The following ENTREP1 variants were observed in gnomAD, a reference collection of about 807,000 sequenced individuals.
ENTREP1 encodes Friedreich ataxia region gene X123.
the ENTREP1 span, among the ~76,000 whole-genome samples, chr9:69,351,359 C>T: frequency 1.3e-5 from 2 of 151,868 alleles, no homozygotes; most frequent in African/African-American, 4.8e-5. Flanking sequence ...GTGTGCCTTT[C>T]TTCAACACTG....
chr9:69,337,072 T>G, the ENTREP1 span, among the ~76,000 whole-genome samples: 1 of 135,888 alleles, frequency 7.4e-6, no homozygotes, highest in African/African-American at 2.8e-5. Context: ...TGGAGTGCAG[T>G]GGCACGTTCT....
chr9:69,336,236 A>C, the ENTREP1 span: 2 of 1,588,894 alleles, frequency 1.3e-6, no homozygotes, highest in South Asian at 1.1e-5. Flanking sequence ...GAATCATAGG[A>C]TTAACAACTT....
the ENTREP1 span, among the ~76,000 whole-genome samples, chr9:69,376,073 T>G: frequency 6.6e-6 from 1 of 152,198 alleles, no homozygotes; most frequent in African/African-American, 2.4e-5. Context: ...GCTTTCTTTG[T>G]GTTGAAGAAC....
the ENTREP1 span, among the ~76,000 whole-genome samples, chr9:69,368,120 T>C: frequency 2.6e-5 from 4 of 151,956 alleles, no homozygotes; most frequent in Non-Finnish European, 5.9e-5. Context: ...TTTCTAGCAG[T>C]AAGATTATGT....
chr9:69,332,157 A>G, the ENTREP1 span, among the ~76,000 whole-genome samples: 1 of 152,052 alleles, frequency 6.6e-6, no homozygotes, highest in African/African-American at 2.4e-5. Flanking sequence ...TACTTCCTCT[A>G]TTTGCTTTTC....
chr9:69,377,648 A>G, the ENTREP1 span: 68 of 1,613,998 alleles, frequency 4.2e-5, no homozygotes, highest in Non-Finnish European at 5.8e-5. Context: ...GCGGAGGATC[A>G]TGGACGCATC....
At chr9:69,338,978 G>A in the ENTREP1 span, among the ~76,000 whole-genome samples, 2 of 152,146 alleles carry the variant, frequency 1.3e-5, no homozygotes, top group African/African-American at 2.4e-5. Context: ...AATAATTGGA[G>A]ACTTAGTCAG....
At chr9:69,383,598 C>A in the ENTREP1 span, 1 of 1,613,178 alleles carries the variant, frequency 6.2e-7, no homozygotes, top group Non-Finnish European at 8.5e-7. Context: ...GTCTGTAGAA[C>A]GTGCTTTCTG....
the ENTREP1 span, among the ~76,000 whole-genome samples, chr9:69,340,691 GTGTA>G: frequency 3.4e-3 from 403 of 117,020 alleles, 3 homozygotes; most frequent in East Asian, 0.049. Context: ...GCATGTGTGT[GTGTA>G]TGTGTGTGTG....
At chr9:69,325,218 G>A in the ENTREP1 span, 1 of 1,043,898 alleles carries the variant, frequency 9.6e-7, no homozygotes, top group Non-Finnish European at 1.2e-6. Context: ...CGTCTGCAGT[G>A]CCCAGTGTGC....
At chr9:69,340,428 A>G in the ENTREP1 span, among the ~76,000 whole-genome samples, 1 of 152,184 alleles carries the variant, frequency 6.6e-6, no homozygotes, top group Non-Finnish European at 1.5e-5. Context: ...TTCAAACTCA[A>G]GTTTTCACGG....
At chr9:69,391,539 G>C in the ENTREP1 span, 2,414 of 1,444,072 alleles carry the variant, frequency 1.7e-3, 23 homozygotes, top group East Asian at 0.017. Context: ...TAGGAGGTAG[G>C]TCAAAGGGCC....
the ENTREP1 span, among the ~76,000 whole-genome samples, chr9:69,384,293 T>G: frequency 6.6e-6 from 1 of 152,170 alleles, no homozygotes; most frequent in Admixed American, 6.5e-5. Context: ...CACCTTTTTC[T>G]CCAGATACAA....
At chr9:69,385,952 T>C in the ENTREP1 span, 1 of 1,596,352 alleles carries the variant, frequency 6.3e-7, no homozygotes, top group Non-Finnish European at 8.5e-7. Flanking sequence ...AGAGAGGTGA[T>C]GTCATTCCCC....
the ENTREP1 span, among the ~76,000 whole-genome samples, chr9:69,329,876 G>A: frequency 8.3e-6 from 1 of 121,048 alleles, no homozygotes; most frequent in Non-Finnish European, 1.8e-5. Flanking sequence ...GAGTTAACTA[G>A]GTTCCACTGG....
the ENTREP1 span, among the ~76,000 whole-genome samples, chr9:69,372,289 A>G: frequency 1.3e-5 from 2 of 152,332 alleles, no homozygotes; most frequent in Middle Eastern, 3.4e-3. Context: ...ACCAATCTCT[A>G]GAACTCTTTT....
At chr9:69,388,333 G>T in the ENTREP1 span, 5 of 1,614,066 alleles carry the variant, frequency 3.1e-6, no homozygotes, top group African/African-American at 5.3e-5. Context: ...TCCTGGAGCA[G>T]TCCTCTTGTA....
the ENTREP1 span, among the ~76,000 whole-genome samples, chr9:69,340,636 C>CATGCATGTGTGT: frequency 4.3e-4 from 52 of 120,648 alleles, no homozygotes; most frequent in African/African-American, 1.5e-3. Context: ...TGTGTGTGTG[C>CATGCATGTGTGT]GTGCATGTGT....
the ENTREP1 span, chr9:69,371,481 A>C: frequency 1.3e-6 from 2 of 1,533,524 alleles, no homozygotes; most frequent in South Asian, 1.1e-5. Context: ...CTAACTGTCC[A>C]TTCTCTTGCC....
Sources: allele counts gnomAD v4.1 joint callset (sites outside exome capture counted in the v4.1 genomes callset), GRCh38; gene constraint gnomAD v4.1.1; transcripts MANE v1.5; gene names NCBI Gene and HGNC (gene_info 2026-07-23, HGNC 2026-07-21).